TRUB1: variants seen among roughly 807,000 people sequenced by gnomAD.
The protein encoded by TRUB1 is pseudouridylate synthase TRUB1.
TRUB1 carries 23 observed loss-of-function variants against 33.9 expected under a neutral mutation model. The observed-to-expected ratio is 0.68, with a 90% CI of 0.49 to 0.96. The LOEUF is 0.96. Among genes scored for constraint, TRUB1 ranks in the 40% least tolerant of loss-of-function variants. The probability of loss-of-function intolerance (pLI) is 0.00; values close to 1 mark genes in which losing one functional copy is unlikely to be tolerated. For missense variants in TRUB1, 378 were observed against 422.2 expected, an observed-to-expected ratio of 0.90 and a Z score of 0.92; for synonymous variants, 163 against 165.4, an observed-to-expected ratio of 0.99 and a Z score of 0.11.
intron 4 of TRUB1, among the ~76,000 whole-genome samples, chr10:114,967,477 T>C (rs1277724791): frequency 6.6e-6 from 1 of 152,236 alleles, no homozygotes; most frequent in East Asian, 1.9e-4. Flanking sequence ...AACTATGATG[T>C]TGTGAGTTCA....
chr10:114,941,871 G>A (rs923249849), intron 1 of TRUB1, among the ~76,000 whole-genome samples: 5 of 151,770 alleles, frequency 3.3e-5, no homozygotes, highest in African/African-American at 1.2e-4. Flanking sequence ...TGCAAACTCC[G>A]CCTCCCAGGT....
At chr10:114,972,584 A>G (rs2084342408) in intron 6 of TRUB1, among the ~76,000 whole-genome samples, 1 of 152,170 alleles carries the variant, frequency 6.6e-6, no homozygotes, top group Non-Finnish European at 1.5e-5. Flanking sequence ...AGGAGTGTAT[A>G]TACTTTTTAA....
chr10:114,973,078 A>G (rs1030994371), intron 6 of TRUB1, among the ~76,000 whole-genome samples: 4 of 151,970 alleles, frequency 2.6e-5, no homozygotes, highest in Admixed American at 1.3e-4. Context: ...TCTAAACTCT[A>G]TTGCTTTTTT....
chr10:114,956,383 A>G (rs568270199), intron 3 of TRUB1, among the ~76,000 whole-genome samples: 1 of 152,332 alleles, frequency 6.6e-6, no homozygotes, highest in Non-Finnish European at 1.5e-5. Context: ...TTTAGACTCC[A>G]TAAGATAAAA....
At chr10:114,955,749 A>G (rs12259567) in intron 3 of TRUB1, among the ~76,000 whole-genome samples, 1,936 of 152,284 alleles carry the variant, frequency 0.013, 46 homozygotes, top group African/African-American at 0.044. Context: ...CAGCATTTCT[A>G]ATCAGTTTTC....
intron 6 of TRUB1, among the ~76,000 whole-genome samples, chr10:114,973,696 T>C (rs1477549652): frequency 6.6e-6 from 1 of 152,192 alleles, no homozygotes; most frequent in Non-Finnish European, 1.5e-5. Flanking sequence ...TAAGAAGATA[T>C]TTAGATTTAC....
Position 114,951,080 on chromosome 10 carries a change from T to A in TRUB1, c.386-14T>A. On this transcript the variant is annotated splice_polypyrimidine_tract_variant and intron_variant, in intron 2 of 7. Coordinates refer to ENST00000298746, the MANE Select transcript of TRUB1 (RefSeq NM_139169.5). ...AGAACAGAGTGTCATAATATTTCTTTCTTTGATTTGTAGTTGTTGGAATTG... is the reference window on the plus strand; with the variant it reads ...AGAACAGAGTGTCATAATATTTCTTACTTTGATTTGTAGTTGTTGGAATTG... 1 of 1,609,782 alleles carries A rather than the reference T, an allele frequency of 6.2e-7. No individual in the cohort carries two copies. The highest frequency in any genetic ancestry group is 8.5e-7 in the Non-Finnish European group (1 of 1,177,004).
chr10:114,973,392 A>C lies in TRUB1; in HGVS notation c.737-937A>C, dbSNP rs553680143. ...AAGAGCTGTCTTTTCACTCAAGTCAAATATCACGCAAGAGTGCTAGCGCGC... is the reference window on the plus strand; with the variant it reads ...AAGAGCTGTCTTTTCACTCAAGTCACATATCACGCAAGAGTGCTAGCGCGC... On this transcript the variant is annotated intron_variant, in intron 6 of 7. Transcript: ENST00000298746. Among the ~76,000 whole-genome samples the C allele has an allele frequency of 2.6e-5, 4 of 152,306 alleles. No homozygotes were observed. In the South Asian group the frequency reaches 8.3e-4, roughly 32 times the overall value.
chr10:114,948,468 G>A (rs2084220585), intron 2 of TRUB1, among the ~76,000 whole-genome samples: 1 of 152,040 alleles, frequency 6.6e-6, no homozygotes, highest in African/African-American at 2.4e-5. Context: ...ATTTATTTCT[G>A]TACCTACACA....
intron 4 of TRUB1, among the ~76,000 whole-genome samples, chr10:114,967,061 A>G (rs561329112): frequency 1.5e-4 from 23 of 152,324 alleles, no homozygotes; most frequent in African/African-American, 5.5e-4. Flanking sequence ...CCCTGTATGT[A>G]TGTATGTACA....
chr10:114,939,964 A>G (rs2084178969), intron 1 of TRUB1, among the ~76,000 whole-genome samples: 2 of 152,040 alleles, frequency 1.3e-5, no homozygotes, highest in African/African-American at 4.8e-5. Flanking sequence ...AAAATGTTTC[A>G]AGGCTCTTGC....
intron 3 of TRUB1, among the ~76,000 whole-genome samples, chr10:114,952,076 A>G (rs1321226045): frequency 1.3e-5 from 2 of 152,180 alleles, no homozygotes; most frequent in Non-Finnish European, 2.9e-5. Flanking sequence ...ACGCAATCTC[A>G]TTTTCTGAAC....
At chr10:114,955,344 G>A (rs1200808364) in intron 3 of TRUB1, among the ~76,000 whole-genome samples, 1 of 152,132 alleles carries the variant, frequency 6.6e-6, no homozygotes, top group Non-Finnish European at 1.5e-5. Flanking sequence ...AAACAGATGA[G>A]GTTTTGGAGT....
In TRUB1 at chr10:114,975,433, G is replaced by T. The variant is rs891234485; in HGVS notation, c.*54G>T. ...AGTTGACATTTGAATCCTGTGTGCA[G>T]ATGCAGAATGACAAGCTGCATTCAA... On this transcript the variant is annotated 3_prime_UTR_variant, in exon 8 of 8. Transcript: ENST00000298746. 7.6e-6 allele frequency: 11 copies of T among 1,447,214 alleles called. No individual in the cohort carries two copies. The African/African-American group carries it at 1.0e-4, about 13-fold the overall frequency. The allele number at this position is 1,447,214 out of a possible 1,614,324, so 89.6% of individuals were successfully genotyped here.
At chr10:114,945,278 G>A (rs2084206604) in intron 2 of TRUB1, among the ~76,000 whole-genome samples, 1 of 152,140 alleles carries the variant, frequency 6.6e-6, no homozygotes, top group Admixed American at 6.5e-5. Flanking sequence ...CTCATGCCCT[G>A]TGCTCTTGGC....
At chr10:114,970,249 T>C (rs2084329313) in intron 4 of TRUB1, 119 bp from the exon 5 acceptor site, 4 of 644,262 alleles carry the variant, frequency 6.2e-6, no homozygotes, top group Admixed American at 5.2e-5. Context: ...ATAAAACATA[T>C]ACTGTAATAT....
At position 114,950,076 on chromosome 10, in the gene TRUB1, T is replaced by G. The variant is rs542549225; in HGVS notation, c.386-1018T>G. Among the ~76,000 whole-genome samples the G allele has an allele frequency of 1.5e-3, 225 of 152,168 alleles. 1 individual carries two copies. The highest frequency in any genetic ancestry group is 5.2e-3 in the African/African-American group (215 of 41,506). On this transcript the variant is annotated intron_variant, in intron 2 of 7. Coordinates refer to ENST00000298746, the MANE Select transcript of TRUB1 (RefSeq NM_139169.5). ...ACCATACCTGGCTAATTTTGTATTT[T>G]TAGTAGAGACGGGGTTTCTCCATGT...
Position 114,968,498 on chromosome 10 carries a change from T to G in TRUB1, c.524-1870T>G, listed in dbSNP as rs149060792. Among the ~76,000 whole-genome samples the G allele has an allele frequency of 2.7e-3, 407 of 152,370 alleles. 3 individuals carry two copies. Among genetic ancestry groups the G allele is most frequent in the African/African-American group, 9.5e-3 (394 of 41,586 alleles). On this transcript the variant is annotated intron_variant, in intron 4 of 7. Coordinates refer to ENST00000298746, the MANE Select transcript of TRUB1 (RefSeq NM_139169.5). ...TGTCTAGATCTGGAAATCTTACATT[T>G]GTATGACTAAGGTGCCGCTAGTAAT...
intron 2 of TRUB1, 86 bp from the exon 3 acceptor site, chr10:114,951,008 G>A: frequency 8.5e-7 from 1 of 1,182,260 alleles, no homozygotes; most frequent in African/African-American, 1.5e-5. Flanking sequence ...TACCTAAGCT[G>A]GGAAATTATG....
Sources: allele counts gnomAD v4.1 joint callset (sites outside exome capture counted in the v4.1 genomes callset), GRCh38; gene constraint gnomAD v4.1.1; transcripts MANE v1.5; gene names NCBI Gene and HGNC (gene_info 2026-07-23, HGNC 2026-07-21).